LIMA1: variants seen among roughly 807,000 people sequenced by gnomAD.
The protein encoded by LIMA1 is LIM domain and actin-binding protein 1.
In LIMA1, 52 loss-of-function variants were observed where a neutral mutation model predicts 62.6. The ratio of observed to expected loss-of-function variants is 0.83; its 90% CI spans 0.67 to 1.05. The LOEUF (loss-of-function observed/expected upper bound fraction) is 1.05, where lower values mean the gene tolerates loss of function less well. Ranked by LOEUF, LIMA1 falls within the 50% of genes least tolerant of loss-of-function variation. LIMA1 has a pLI of 0.00. For missense variants in LIMA1, 780 were observed against 902.2 expected (o/e 0.86, Z 1.74); for synonymous variants, 302 against 317.8 (o/e 0.95, Z 0.53).
intron 6 of LIMA1, chr12:50,201,353 CATATAAAAA>C (rs1409874905): frequency 1.0e-6 from 1 of 984,040 alleles, no homozygotes; most frequent in African/African-American, 1.7e-5. Context: ...ATGATGTATA[CATATAAAAA>C]CTGAAATTAT....
chr12:50,222,649 C>A, intron 3 of LIMA1, 164 bp from the exon 4 acceptor site: 1 of 1,528,952 alleles, frequency 6.5e-7, no homozygotes, highest in South Asian at 1.2e-5. Flanking sequence ...AAAGCATCCA[C>A]CCGGCAGAGG....
At chr12:50,279,829 T>C (rs931715026) in intron 1 of LIMA1, among the ~76,000 whole-genome samples, 4 of 152,180 alleles carry the variant, frequency 2.6e-5, no homozygotes, top group Admixed American at 2.6e-4. Flanking sequence ...GTTACCTGTT[T>C]AGTAAAACTG....
At chr12:50,258,639 C>CTTTTT (rs34324226) in intron 1 of LIMA1, among the ~76,000 whole-genome samples, 324 of 67,418 alleles carry the variant, frequency 4.8e-3, no homozygotes, top group Non-Finnish European at 5.8e-3. Flanking sequence ...TCTACCTATA[C>CTTTTT]TTTTTTTTTT....
chr12:50,181,490 G>GA (rs1427988297), intron 10 of LIMA1, among the ~76,000 whole-genome samples: 2 of 152,172 alleles, frequency 1.3e-5, no homozygotes, highest in Non-Finnish European at 2.9e-5. Flanking sequence ...GCAACATAGA[G>GA]AAAAAGACAT....
chr12:50,204,662 C>T lies in LIMA1; in HGVS notation c.754G>A (p.Glu252Lys), dbSNP rs201635264. ...GGAAGTTCCAGATTTCGTCTACTCT[C>T]ATTTTTCTCCGAGTCAAATGTAGAA... ...SSSTFDSEKN[E>K]SRRNLELPRL... Residue 252 changes from glutamate (E) to lysine (K), a missense_variant, in exon 6 of 11, where the codon GAG becomes AAG. Physicochemically the swap from Glu to Lys is moderately conservative, Grantham distance 56. Transcript: ENST00000341247. The T allele has an allele frequency of 1.2e-6, 2 of 1,614,214 alleles. No homozygotes were observed. The highest frequency in any genetic ancestry group is 1.7e-6 in the Non-Finnish European group (2 of 1,180,030).
At chr12:50,193,439 G>A (rs1391696291) in intron 8 of LIMA1, among the ~76,000 whole-genome samples, 1 of 143,710 alleles carries the variant, frequency 7.0e-6, no homozygotes, top group Non-Finnish European at 1.5e-5. Flanking sequence ...ACATATATAT[G>A]TTTTTCTTTT....
chr12:50,200,947 C>A, intron 6 of LIMA1, 63 bp from the exon 7 acceptor site: 1 of 1,576,460 alleles, frequency 6.3e-7, no homozygotes, highest in Non-Finnish European at 8.6e-7. Context: ...CTCTTCATAG[C>A]ACATCTATTA....
chr12:50,221,436 C>T (rs1228278157), intron 4 of LIMA1, among the ~76,000 whole-genome samples: 2 of 152,168 alleles, frequency 1.3e-5, no homozygotes, highest in East Asian at 3.8e-4. Context: ...TGTAGGAAAA[C>T]GCAACCCTGT....
chr12:50,181,168 G>T (rs549781142), intron 10 of LIMA1, among the ~76,000 whole-genome samples: 33 of 150,064 alleles, frequency 2.2e-4, no homozygotes, highest in African/African-American at 7.8e-4. Flanking sequence ...ACAGTGGGCA[G>T]CAGAAGAACT....
intron 9 of LIMA1, chr12:50,185,542 G>T: frequency 2.2e-6 from 1 of 448,294 alleles, no homozygotes; most frequent in South Asian, 1.6e-5. Flanking sequence ...CAGAGACTCA[G>T]ATCCAAGAAT....
At chr12:50,281,406 G>C (rs1266364214) in intron 1 of LIMA1, among the ~76,000 whole-genome samples, 1 of 152,142 alleles carries the variant, frequency 6.6e-6, no homozygotes, top group Non-Finnish European at 1.5e-5. Flanking sequence ...ACCAAGATGT[G>C]AATTGTTTTA....
intron 1 of LIMA1, among the ~76,000 whole-genome samples, chr12:50,268,711 T>C (rs972336987): frequency 1.3e-5 from 2 of 152,080 alleles, no homozygotes; most frequent in African/African-American, 4.8e-5. Flanking sequence ...AGTGCTGGGA[T>C]TATAGGCATG....
intron 3 of LIMA1, among the ~76,000 whole-genome samples, chr12:50,223,606 GAC>G (rs1178709292): frequency 6.6e-6 from 1 of 152,118 alleles, no homozygotes; most frequent in Non-Finnish European, 1.5e-5. Context: ...ATGATCAAAG[GAC>G]ACACATTTAC....
At chr12:50,248,496 A>C in intron 2 of LIMA1, 137 bp downstream of exon 2, 1 of 626,920 alleles carries the variant, frequency 1.6e-6, no homozygotes, top group Non-Finnish European at 2.9e-6. Flanking sequence ...TCTCCACAGT[A>C]CCTCATATAG....
At chr12:50,277,928 T>C (rs2138713907) in intron 1 of LIMA1, among the ~76,000 whole-genome samples, 1 of 152,350 alleles carries the variant, frequency 6.6e-6, no homozygotes, top group Middle Eastern at 3.4e-3. Flanking sequence ...TCTCTCTCAC[T>C]AGCAAAGAAA....
At chr12:50,207,943 A>AC (rs1941183736) in intron 4 of LIMA1, among the ~76,000 whole-genome samples, 1 of 151,912 alleles carries the variant, frequency 6.6e-6, no homozygotes, top group African/African-American at 2.4e-5. Context: ...TATTTTTTAT[A>AC]CCCCCTCCTT....
At chr12:50,201,307 C>CAT in intron 6 of LIMA1, 1 of 990,978 alleles carries the variant, frequency 1.0e-6, no homozygotes, top group Non-Finnish European at 1.2e-6. Flanking sequence ...ACTGACCATA[C>CAT]ATATATAAAT....
At chr12:50,190,676 G>A (rs960060655) in intron 9 of LIMA1, among the ~76,000 whole-genome samples, 8 of 132,406 alleles carry the variant, frequency 6.0e-5, no homozygotes, top group Non-Finnish European at 9.5e-5. Context: ...CACCACACCC[G>A]GCCTCATTTT....
intron 9 of LIMA1, among the ~76,000 whole-genome samples, chr12:50,190,730 C>G: frequency 8.3e-6 from 1 of 120,370 alleles, no homozygotes; most frequent in Non-Finnish European, 1.7e-5. Context: ...AGAAAATGGG[C>G]TGGCCAGCCC....
Sources: allele counts gnomAD v4.1 joint callset (sites outside exome capture counted in the v4.1 genomes callset), GRCh38; gene constraint gnomAD v4.1.1; transcripts MANE v1.5; gene names NCBI Gene and HGNC (gene_info 2026-07-23, HGNC 2026-07-21).